Variants in TECRL observed in about 807,000 individuals in gnomAD.
TECRL encodes the protein trans-2,3-enoyl-CoA reductase-like.
In TECRL, 63 loss-of-function variants were observed where a neutral mutation model predicts 52.8. That is an observed-to-expected ratio of 1.19 (90% CI 0.97 to 1.47). TECRL has a LOEUF of 1.47. Among genes scored for constraint, TECRL ranks in the 40% most tolerant of loss-of-function variants. The pLI, the probability that TECRL is intolerant of heterozygous loss-of-function variation, is 0.00. For missense variants in TECRL, 482 were observed against 429.6 expected, an observed-to-expected ratio of 1.12 and a Z score of -1.08; for synonymous variants, 164 against 141.9, an observed-to-expected ratio of 1.16 and a Z score of -1.10.
At chr4:64,353,729 G>T (rs539396246) in intron 2 of TECRL, among the ~76,000 whole-genome samples, 1 of 152,158 alleles carries the variant, frequency 6.6e-6, no homozygotes, top group Non-Finnish European at 1.5e-5. Context: ...AGTTAGTTTT[G>T]ATTTCATTTT....
At chr4:64,398,894 A>G (rs1477895740) in intron 1 of TECRL, among the ~76,000 whole-genome samples, 1 of 152,194 alleles carries the variant, frequency 6.6e-6, no homozygotes, top group Non-Finnish European at 1.5e-5. Flanking sequence ...TCAGAAGAAA[A>G]TGAGAAACTT....
chr4:64,363,820 G>A (rs1471386477), intron 2 of TECRL, among the ~76,000 whole-genome samples: 3 of 152,068 alleles, frequency 2.0e-5, no homozygotes, highest in Admixed American at 6.6e-5. Context: ...ACAGGTATTT[G>A]AATAAATTTT....
intron 1 of TECRL, among the ~76,000 whole-genome samples, chr4:64,406,357 C>T (rs1339576598): frequency 6.6e-6 from 1 of 151,752 alleles, no homozygotes; most frequent in African/African-American, 2.4e-5. Flanking sequence ...TAATACATCT[C>T]ATTTAAGATA....
At chr4:64,382,325 TTA>T (rs531694849) in intron 1 of TECRL, among the ~76,000 whole-genome samples, 29 of 144,970 alleles carry the variant, frequency 2.0e-4, no homozygotes, top group African/African-American at 4.8e-4. Context: ...TATATCTATA[TTA>T]TATATATATA....
At chr4:64,341,348 C>A (rs1400727569) in intron 2 of TECRL, among the ~76,000 whole-genome samples, 1 of 152,144 alleles carries the variant, frequency 6.6e-6, no homozygotes, top group Non-Finnish European at 1.5e-5. Context: ...CACCTGTAAT[C>A]TCAGCACTTT....
chr4:64,330,479 C>G (rs1718561959), intron 2 of TECRL, among the ~76,000 whole-genome samples: 1 of 151,872 alleles, frequency 6.6e-6, no homozygotes, highest in African/African-American at 2.4e-5. Flanking sequence ...AAATATATCT[C>G]AAGTAAAAAA....
intron 2 of TECRL, among the ~76,000 whole-genome samples, chr4:64,368,485 G>A (rs931599900): frequency 1.9e-4 from 29 of 151,924 alleles, no homozygotes; most frequent in Middle Eastern, 3.2e-3. Flanking sequence ...TAGTAGAGAC[G>A]GGGTTTCGCC....
At chr4:64,321,746 C>A (rs76380833) in intron 4 of TECRL, among the ~76,000 whole-genome samples, 1,581 of 152,212 alleles carry the variant, frequency 0.01, 24 homozygotes, top group African/African-American at 0.036. Context: ...CATCTAATGC[C>A]ATTTTCAAAT....
chr4:64,402,211 A>T (rs972877615), intron 1 of TECRL, among the ~76,000 whole-genome samples: 3 of 152,094 alleles, frequency 2.0e-5, no homozygotes, highest in African/African-American at 7.2e-5. Flanking sequence ...GGCAGTGTTA[A>T]AAATATTTCC....
At chr4:64,297,083 A>G (rs777560457) in intron 8 of TECRL, among the ~76,000 whole-genome samples, 5 of 151,512 alleles carry the variant, frequency 3.3e-5, no homozygotes, top group Non-Finnish European at 7.4e-5. Flanking sequence ...CCAAATAGGA[A>G]CCTGATTTTA....
chr4:64,304,178 C>T (rs994848576), intron 7 of TECRL, among the ~76,000 whole-genome samples: 2 of 151,790 alleles, frequency 1.3e-5, no homozygotes, highest in African/African-American at 4.8e-5. Flanking sequence ...TAGTCTGGAG[C>T]AATACTTCTA....
chr4:64,403,061 T>TG (rs139975488), intron 1 of TECRL, among the ~76,000 whole-genome samples: 103,254 of 151,302 alleles, frequency 0.68, 36,361 homozygotes, highest in Non-Finnish European at 0.78. Flanking sequence ...GTTTCTGTGA[T>TG]AAACATTCCC....
At chr4:64,382,322 A>T (rs148357262) in intron 1 of TECRL, among the ~76,000 whole-genome samples, 1 of 144,922 alleles carries the variant, frequency 6.9e-6, no homozygotes, top group Non-Finnish European at 1.5e-5. Flanking sequence ...TATTATATCT[A>T]TATTATATAT....
In TECRL at chr4:64,375,739, A is replaced by G. The variant is rs140878294; in HGVS notation, c.235-516T>C. Among the ~76,000 whole-genome samples, 1,459 of 151,982 alleles carry G rather than the reference A, an allele frequency of 9.6e-3. 25 individuals carry two copies. Among genetic ancestry groups the G allele is most frequent in the African/African-American group, 0.033 (1,374 of 41,550 alleles). On this transcript the variant is annotated intron_variant, in intron 1 of 11. Transcript: ENST00000381210. ...AAGTACTAAAGGTCCATTAAAATGC[A>G]TGTGAGATATATTTTTTGGATTCCT...
intron 2 of TECRL, among the ~76,000 whole-genome samples, chr4:64,334,045 A>AAAAAAAAAAAAAAAAAAAG (rs1718864420): frequency 8.3e-6 from 1 of 119,852 alleles, no homozygotes; most frequent in Admixed American, 8.1e-5. Flanking sequence ...AAAAAAAAAA[A>AAAAAAAAAAAAAAAAAAAG]AAAAGAAAAA....
chr4:64,332,929 A>G (rs1324452833), intron 2 of TECRL, among the ~76,000 whole-genome samples: 1 of 152,120 alleles, frequency 6.6e-6, no homozygotes, highest in Non-Finnish European at 1.5e-5. Context: ...AAAAAGCTAT[A>G]TATTGAATGA....
chr4:64,398,008 G>C (rs980133317), intron 1 of TECRL, among the ~76,000 whole-genome samples: 2 of 139,806 alleles, frequency 1.4e-5, no homozygotes, highest in African/African-American at 5.1e-5. Context: ...CCCAAACACT[G>C]TTTATAAACA....
chr4:64,371,066 T>A (rs370086151), intron 2 of TECRL, among the ~76,000 whole-genome samples: 1 of 151,702 alleles, frequency 6.6e-6, no homozygotes, highest in African/African-American at 2.4e-5. Context: ...TTTACCCACA[T>A]TGAATAATCA....
chr4:64,337,965 C>T (rs1380046393), intron 2 of TECRL, among the ~76,000 whole-genome samples: 1 of 152,126 alleles, frequency 6.6e-6, no homozygotes, highest in Non-Finnish European at 1.5e-5. Context: ...AAAGAACCCA[C>T]ATTGCCAAGA....
Sources: allele counts gnomAD v4.1 joint callset (sites outside exome capture counted in the v4.1 genomes callset), GRCh38; gene constraint gnomAD v4.1.1; transcripts MANE v1.5; gene names NCBI Gene and HGNC (gene_info 2026-07-23, HGNC 2026-07-21).